Variants in NAALADL2 observed in about 807,000 individuals in gnomAD.
The protein encoded by NAALADL2 is N-acetylated alpha-linked acidic dipeptidase like 2.
Under a neutral mutation model 87.2 loss-of-function variants are expected in NAALADL2, and 76 were observed. The ratio of observed to expected loss-of-function variants is 0.87; its 90% CI spans 0.72 to 1.05. The LOEUF (loss-of-function observed/expected upper bound fraction) is 1.05. NAALADL2 is among the 50% of genes least tolerant of loss of function. NAALADL2 has a pLI of 0.00. For missense variants in NAALADL2, 1,089 were observed against 945.8 expected (o/e 1.15, Z -1.99); for synonymous variants, 354 against 331.0 (o/e 1.07, Z -0.75).
chr3:175,143,306 A>G (rs1560084937), intron 2 of NAALADL2, among the ~76,000 whole-genome samples: 4 of 152,072 alleles, frequency 2.6e-5, no homozygotes, highest in South Asian at 2.1e-4. Context: ...TCATGCAAAG[A>G]TAAATTGCAG....
intron 2 of NAALADL2, among the ~76,000 whole-genome samples, chr3:175,143,756 T>G (rs1439615971): frequency 6.6e-6 from 1 of 151,888 alleles, no homozygotes; most frequent in Non-Finnish European, 1.5e-5. Context: ...GGAATAAATG[T>G]ATTCTCAAGT....
chr3:175,451,314 A>G (rs77858067), intron 6 of NAALADL2, among the ~76,000 whole-genome samples: 4,017 of 152,194 alleles, frequency 0.026, 76 homozygotes, highest in East Asian at 0.085. Context: ...GGGCATTTGT[A>G]TCGCTGCGAG....
intron 1 of NAALADL2, among the ~76,000 whole-genome samples, chr3:175,087,507 TA>T (rs1719247790): frequency 6.6e-6 from 1 of 152,352 alleles, no homozygotes; most frequent in East Asian, 1.9e-4. Flanking sequence ...ATCAGATTGT[TA>T]CGGTGCCTGT....
In NAALADL2 at chr3:175,234,122, C is replaced by G. The variant is rs572064594; in HGVS notation, c.737C>G (p.Pro246Arg). 2.3e-5 allele frequency: 37 copies of G among 1,613,884 alleles called. No individual in the cohort carries two copies. The highest frequency in any genetic ancestry group is 3.1e-5 in the Non-Finnish European group (37 of 1,179,848). The change falls in exon 3 of 14, where the codon CCT (proline) becomes CGT (arginine). Residue 246 changes from proline to arginine, a missense_variant. Pro to Arg is a moderately radical substitution (Grantham distance 103). Coordinates refer to ENST00000454872, the MANE Select transcript of NAALADL2 (RefSeq NM_207015.3). ...SGQCFHPNGQ[P>R]CSEEARKDSS... ...CAATGCTTTCATCCTAATGGCCAGC[C>G]TTGCAGTGAAGAAGCCAGAAAAGAT... is the stretch of plus-strand genomic sequence containing the variant.
In NAALADL2 at chr3:174,885,045, T is replaced by A. The variant is rs376998366; in HGVS notation, c.43+25595T>A. Among the ~76,000 whole-genome samples, 3 of 152,270 alleles carry A rather than the reference T, an allele frequency of 2.0e-5. No homozygotes were observed. In the East Asian group the frequency reaches 5.8e-4, roughly 29 times the overall value. ...CATGAGTCAGGGAGGGGATGTTGCC[T>A]CTGCTGGGGATGGGGAAGTTGTTTC... On this transcript the variant is annotated intron_variant, in intron 1 of 13. Transcript: ENST00000454872.
At chr3:174,980,930 G>A (rs1197251335) in intron 1 of NAALADL2, among the ~76,000 whole-genome samples, 5 of 152,198 alleles carry the variant, frequency 3.3e-5, no homozygotes, top group African/African-American at 1.2e-4. Flanking sequence ...ACAGCTTAGT[G>A]GAAAATGTGC....
chr3:174,529,911 G>T (rs1390880009), intron 1 of NAALADL2, among the ~76,000 whole-genome samples: 2 of 152,086 alleles, frequency 1.3e-5, no homozygotes, highest in Non-Finnish European at 2.9e-5. Flanking sequence ...TGATGGGAAG[G>T]TCTGCTGCAA....
chr3:174,856,775 A>G (rs1725902471), upstream of NAALADL2, among the ~76,000 whole-genome samples: 1 of 151,454 alleles, frequency 6.6e-6, no homozygotes, highest in Non-Finnish European at 1.5e-5. Flanking sequence ...CATACCTTCT[A>G]TTTGTAAAAT....
In NAALADL2 at chr3:175,019,220, C is replaced by T. The variant is rs115953015; in HGVS notation, c.44-77570C>T. On this transcript the variant is annotated intron_variant, in intron 1 of 13. Transcript: ENST00000454872. ...TGAAGTTGTTCATGTAAAATTGCCCCAAAGTTCATACTTGTTTCATCTACA... is the reference window on the plus strand; with the variant it reads ...TGAAGTTGTTCATGTAAAATTGCCCTAAAGTTCATACTTGTTTCATCTACA... 3.1e-3 allele frequency among the ~76,000 whole-genome samples: 474 copies of T among 152,032 alleles called. 1 individual carries two copies. Among genetic ancestry groups the T allele is most frequent in the African/African-American group, 9.8e-3 (406 of 41,528 alleles).
intron 4 of NAALADL2, among the ~76,000 whole-genome samples, chr3:175,282,507 A>G (rs10936836): frequency 3.1e-4 from 47 of 151,984 alleles, no homozygotes; most frequent in Admixed American, 1.4e-3. Context: ...GAGTAAAAAG[A>G]ATATCATCTG....
intron 3 of NAALADL2, among the ~76,000 whole-genome samples, chr3:175,249,730 C>T (rs1199997756): frequency 1.3e-5 from 2 of 152,098 alleles, no homozygotes; most frequent in East Asian, 1.9e-4. Context: ...CATTCTAGGG[C>T]CCCTCTATGG....
At chr3:174,559,636 G>C (rs1264349122) in intron 2 of NAALADL2, among the ~76,000 whole-genome samples, 1 of 152,128 alleles carries the variant, frequency 6.6e-6, no homozygotes, top group Non-Finnish European at 1.5e-5. Flanking sequence ...TCTGAAATTA[G>C]GTTGCCAGCA....
chr3:174,603,735 T>C (rs1446743437), intron 2 of NAALADL2, among the ~76,000 whole-genome samples: 3 of 152,100 alleles, frequency 2.0e-5, no homozygotes, highest in African/African-American at 7.2e-5. Flanking sequence ...GCCCTCTTAG[T>C]ACTGATTTTG....
At chr3:174,827,790 C>T (rs773721401) in intron 3 of NAALADL2, among the ~76,000 whole-genome samples, 7 of 152,042 alleles carry the variant, frequency 4.6e-5, no homozygotes, top group Non-Finnish European at 1.0e-4. Context: ...GAACAAAGAC[C>T]CTACCTTTTT....
At chr3:175,078,004 C>T (rs1041228521) in intron 1 of NAALADL2, among the ~76,000 whole-genome samples, 1 of 150,800 alleles carries the variant, frequency 6.6e-6, no homozygotes, top group Admixed American at 6.6e-5. Flanking sequence ...TGAAGGAGTT[C>T]GGTTTTGTTT....
At chr3:175,276,616 C>A (rs1753637246) in intron 4 of NAALADL2, among the ~76,000 whole-genome samples, 1 of 152,094 alleles carries the variant, frequency 6.6e-6, no homozygotes, top group Non-Finnish European at 1.5e-5. Context: ...AAATGTATTT[C>A]TAACCCCATA....
intron 2 of NAALADL2, among the ~76,000 whole-genome samples, chr3:174,704,999 C>A (rs1359428708): frequency 6.6e-6 from 1 of 152,138 alleles, no homozygotes; most frequent in African/African-American, 2.4e-5. Context: ...GTGAGCTATA[C>A]ATAAATTTAA....
chr3:174,616,058 G>A (rs535952625), intron 2 of NAALADL2, among the ~76,000 whole-genome samples: 1 of 151,936 alleles, frequency 6.6e-6, no homozygotes, highest in South Asian at 2.1e-4. Flanking sequence ...AATATAAGGG[G>A]ACTAGTTTTC....
intron 2 of NAALADL2, among the ~76,000 whole-genome samples, chr3:175,146,851 A>G (rs1372873782): frequency 6.6e-6 from 1 of 152,144 alleles, no homozygotes; most frequent in Non-Finnish European, 1.5e-5. Context: ...TAATTAAATT[A>G]CAATTTACTA....
Sources: allele counts gnomAD v4.1 joint callset (sites outside exome capture counted in the v4.1 genomes callset), GRCh38; gene constraint gnomAD v4.1.1; transcripts MANE v1.5; gene names NCBI Gene and HGNC (gene_info 2026-07-23, HGNC 2026-07-21).